The following MOB2 variants were observed in gnomAD, a reference collection of about 807,000 sequenced individuals.
The protein encoded by MOB2 is MOB2 Mps One Binder homolog.
Under a neutral mutation model 27.4 loss-of-function variants are expected in MOB2, and 14 were observed. The ratio of observed to expected loss-of-function variants is 0.51; its 90% confidence interval spans 0.34 to 0.80. The LOEUF is 0.80. Ranked by LOEUF, MOB2 falls within the 30% of genes least tolerant of loss-of-function variation. The pLI, the probability that MOB2 is intolerant of heterozygous loss-of-function variation, is 0.01. For synonymous variants in MOB2, 167 were observed against 151.8 expected, an observed-to-expected ratio of 1.10 and a Z score of -0.74; for missense variants, 304 against 354.6, an observed-to-expected ratio of 0.86 and a Z score of 1.15.
rs1344099004 is a variant in MOB2 at position 1,470,618 on chromosome 11, C to G, written c.491-130G>C. 1.1e-5 allele frequency: 12 copies of G among 1,070,880 alleles called. No individual in the cohort carries two copies. The South Asian group carries it at 2.0e-4, about 18-fold the overall frequency. 66.3% of individuals were successfully genotyped at this position (1,070,880 alleles called of 1,614,324 possible). On this transcript the variant is annotated intron_variant, in intron 4 of 4. Coordinates refer to ENST00000329957, the MANE Select transcript of MOB2 (RefSeq NM_001172223.3). ...TTGACCCTGCCACCCTCAGGGCCTA[C>G]AAAGCCCCAGCAGCAACAGCTTCTG...
At chr11:1,480,051 T>A (rs563030095) in intron 3 of MOB2, among the ~76,000 whole-genome samples, 84 of 152,316 alleles carry the variant, frequency 5.5e-4, no homozygotes, top group African/African-American at 2.0e-3. Context: ...AGCCCAGCCC[T>A]CACTGTCCCA....
chr11:1,476,326 T>C (rs1413439441), intron 3 of MOB2, among the ~76,000 whole-genome samples: 1 of 152,256 alleles, frequency 6.6e-6, no homozygotes, highest in Non-Finnish European at 1.5e-5. Context: ...AGTTCTGATA[T>C]ACTGCGCTTT....
At position 1,469,627 on chromosome 11, in the gene MOB2, GACAGGA is replaced by G; in HGVS notation, c.*539_*544del. 1 of 457,030 alleles carries G rather than the reference GACAGGA, an allele frequency of 2.2e-6. No individual in the cohort carries two copies. The highest frequency in any genetic ancestry group is 4.4e-6 in the Non-Finnish European group (1 of 227,222). The allele number at this position is 457,030 out of a possible 1,614,324, so 28.3% of individuals were successfully genotyped here. A position where few individuals can be genotyped will look rare whatever the true frequency, so the allele number is the denominator to read the frequency against. ...CATGGAGGAGGCAGCAGGAAGGGGT[GACAGGA>G]GCAGGAGCAGGTGCAGGGCACCTCA... On this transcript the variant is annotated 3_prime_UTR_variant, in exon 5 of 5. Transcript: ENST00000329957.
chr11:1,483,096 C>A (rs543072889), intron 1 of MOB2, among the ~76,000 whole-genome samples: 1 of 152,222 alleles, frequency 6.6e-6, no homozygotes, highest in Admixed American at 6.5e-5. Context: ...CTCTGCGGCG[C>A]CCCCCGCAGG....
chr11:1,475,136 A>G (rs1038271759), intron 3 of MOB2, among the ~76,000 whole-genome samples: 2 of 152,196 alleles, frequency 1.3e-5, no homozygotes, highest in African/African-American at 4.8e-5. Flanking sequence ...GATCCTGGGA[A>G]TGTCTTGTTA....
At chr11:1,483,407 G>A (rs1051866112) in intron 1 of MOB2, among the ~76,000 whole-genome samples, 1 of 152,234 alleles carries the variant, frequency 6.6e-6, no homozygotes, top group African/African-American at 2.4e-5. Flanking sequence ...CTTGGAAGAA[G>A]CAGAAGGGCA....
rs1207734396 is a variant in MOB2 at position 1,469,655 on chromosome 11, C to G, written c.*517G>C. On this transcript the variant is annotated 3_prime_UTR_variant, in exon 5 of 5. Transcript: ENST00000329957. ...AGGAGCAGGAGCAGGTGCAGGGCAC[C>G]TCACACCACAGGCCTCCCCCACCTC... is the stretch of plus-strand genomic sequence containing the variant. 4 of 457,110 alleles carry G rather than the reference C, an allele frequency of 8.8e-6. No individual in the cohort carries two copies. Among genetic ancestry groups the G allele is most frequent in the Non-Finnish European group, 1.8e-5 (4 of 227,442 alleles). The allele number at this position is 457,110 out of a possible 1,614,324, so 28.3% of individuals were successfully genotyped here.
At chr11:1,485,444 G>A (rs565794300) in intron 1 of MOB2, among the ~76,000 whole-genome samples, 50 of 152,334 alleles carry the variant, frequency 3.3e-4, no homozygotes, top group Non-Finnish European at 4.9e-4. Context: ...CAGGGTCACC[G>A]GCCGGCACTC....
At chr11:1,485,302 A>G (rs1374621759) in intron 1 of MOB2, among the ~76,000 whole-genome samples, 1 of 152,158 alleles carries the variant, frequency 6.6e-6, no homozygotes, top group East Asian at 1.9e-4. Context: ...GCACAGGCAC[A>G]CACACACACA....
At chr11:1,473,821 G>A (rs535055034) in intron 3 of MOB2, among the ~76,000 whole-genome samples, 5 of 152,336 alleles carry the variant, frequency 3.3e-5, no homozygotes, top group Non-Finnish European at 7.3e-5. Context: ...GGCGGCTTAC[G>A]TGGCCCCTCA....
At chr11:1,474,241 G>A (rs1454421196) in intron 3 of MOB2, among the ~76,000 whole-genome samples, 2 of 152,200 alleles carry the variant, frequency 1.3e-5, no homozygotes, top group East Asian at 1.9e-4. Flanking sequence ...CATTTCTTTT[G>A]CTGACAGTTA....
chr11:1,469,804 C>A lies in MOB2; in HGVS notation c.*368G>T, dbSNP rs748897422. 2.5e-5 allele frequency: 13 copies of A among 516,024 alleles called. 1 individual carries two copies. Among genetic ancestry groups the A allele is most frequent in the Non-Finnish European group, 2.3e-5 (6 of 266,398 alleles). 32.0% of individuals were successfully genotyped at this position (516,024 alleles called of 1,614,324 possible). On this transcript the variant is annotated 3_prime_UTR_variant, in exon 5 of 5. Transcript: ENST00000329957. ...CAGAGACCCAGGTCTGCAAATCACACCCTCCCCCCACGAGTTCCTCCTTTG... is the reference window on the plus strand; with the variant it reads ...CAGAGACCCAGGTCTGCAAATCACAACCTCCCCCCACGAGTTCCTCCTTTG...
At chr11:1,480,586 A>G in intron 2 of MOB2, 100 bp from the exon 3 acceptor site, 1 of 1,532,554 alleles carries the variant, frequency 6.5e-7, no homozygotes, top group Non-Finnish European at 8.9e-7. Context: ...CGGCTGGGTG[A>G]GCTCTGCCCG....
In MOB2 at chr11:1,471,529, G is replaced by A. The variant is rs1447166941; in HGVS notation, c.366-110C>T. The A allele has an allele frequency of 2.8e-6, 4 of 1,417,196 alleles. No individual in the cohort carries two copies. The Admixed American group carries it at 6.1e-5, about 22-fold the overall frequency. The allele number at this position is 1,417,196 out of a possible 1,614,324, so 87.8% of individuals were successfully genotyped here. ...GGCAGAGGTGGCGCCAGCAGCGGAG[G>A]TGTGGCAGACCCAGGTGTCTCCCTC... On this transcript the variant is annotated intron_variant, in intron 3 of 4. Coordinates refer to ENST00000329957, the MANE Select transcript of MOB2 (RefSeq NM_001172223.3).
At chr11:1,471,223 C>G in intron 4 of MOB2, 72 bp downstream of exon 4, 2 of 1,527,550 alleles carry the variant, frequency 1.3e-6, no homozygotes, top group Non-Finnish European at 1.8e-6. Context: ...GGAGCTTGGT[C>G]ACTTGCAGAC....
rs749682404 is a variant in MOB2 at position 1,470,209 on chromosome 11, C to T, written c.770G>A (p.Gly257Glu). The part of the protein sequence containing the change: ...SGGSGDGAGS[G>E]GPGAQNHVKE... Reference sequence around the variant, plus strand: ...CACGTGGTTCTGTGCTCCCGGGCCCCCGCTGCCGGCCCCATCCCCACTGCC... The same window carrying T: ...CACGTGGTTCTGTGCTCCCGGGCCCTCGCTGCCGGCCCCATCCCCACTGCC... Residue 257 changes from glycine to glutamate, a missense_variant, in exon 5 of 5, where the codon GGG (glycine) becomes GAG (glutamate). By Grantham distance (98) the Gly-to-Glu change is moderately conservative. Transcript: ENST00000329957. 8.7e-6 allele frequency: 14 copies of T among 1,611,078 alleles called. No homozygotes were observed. The highest frequency in any genetic ancestry group is 1.1e-5 in the Non-Finnish European group (13 of 1,179,192).
At chr11:1,484,156 G>A (rs1477374908) in intron 1 of MOB2, among the ~76,000 whole-genome samples, 2 of 152,216 alleles carry the variant, frequency 1.3e-5, no homozygotes, top group Admixed American at 6.5e-5. Context: ...CTCGCCCAGA[G>A]CACGCTTGCT....
At position 1,480,577 on chromosome 11, in the gene MOB2, G is replaced by A. The variant is rs538274452; in HGVS notation, c.272-91C>T. The A allele has an allele frequency of 9.8e-6, 15 of 1,533,086 alleles. 1 individual carries two copies. Among genetic ancestry groups the A allele is most frequent in the African/African-American group, 6.8e-5 (5 of 73,424 alleles). 95.0% of individuals were successfully genotyped at this position (1,533,086 alleles called of 1,614,324 possible). On this transcript the variant is annotated intron_variant, in intron 2 of 4. Transcript: ENST00000329957. The stretch of plus-strand genomic sequence containing the variant: ...CTTCCAGCAACAGGTGCAGGAGCTC[G>A]GCTGGGTGAGCTCTGCCCGTCCACG...
At chr11:1,472,851 C>A in intron 3 of MOB2, 1 of 70,740 alleles carries the variant, frequency 1.4e-5, no homozygotes, top group Non-Finnish European at 3.6e-5. Context: ...CCAGCGTCTC[C>A]GGGCACAGGG....
Sources: gnomAD v4.1 joint callset for allele counts (sites outside exome capture counted in the v4.1 genomes callset) on GRCh38, gnomAD v4.1.1 for gene constraint, MANE v1.5 for transcripts, NCBI Gene and HGNC (gene_info 2026-07-23, HGNC 2026-07-21) for gene names.